BCR: variants seen among roughly 807,000 people sequenced by gnomAD.
BCR encodes the protein BCR activator of RhoGEF and GTPase.
BCR carries 58 observed loss-of-function variants against 138.6 expected under a neutral mutation model. The observed-to-expected ratio is 0.42, with a 90% CI of 0.34 to 0.52. The LOEUF (loss-of-function observed/expected upper bound fraction) is 0.52, where lower values mean the gene tolerates loss of function less well. BCR is among the 20% of genes least tolerant of loss of function. The pLI, the probability that BCR is intolerant of heterozygous loss-of-function variation, is 0.06. For missense variants in BCR, 1,599 were observed against 1,727.2 expected (o/e 0.93, Z 1.32); for synonymous variants, 786 against 730.1 (o/e 1.08, Z -1.23).
At chr22:23,308,119 A>G (rs2073968933) in intron 16 of BCR, among the ~76,000 whole-genome samples, 1 of 149,560 alleles carries the variant, frequency 6.7e-6, no homozygotes, top group South Asian at 2.1e-4. Flanking sequence ...GCTGAAGTGA[A>G]CCATCACCTG....
At chr22:23,206,463 G>A (rs1232282126) in intron 1 of BCR, among the ~76,000 whole-genome samples, 1 of 151,928 alleles carries the variant, frequency 6.6e-6, no homozygotes, top group Non-Finnish European at 1.5e-5. Flanking sequence ...TGTAATCCCA[G>A]CTACTCGGGA....
intron 8 of BCR, among the ~76,000 whole-genome samples, chr22:23,274,814 A>G (rs758731767): frequency 1.3e-4 from 20 of 148,730 alleles, no homozygotes; most frequent in Non-Finnish European, 2.2e-4. Context: ...AGGCTGAGGC[A>G]GGTGAATCGC....
chr22:23,263,601 T>C (rs182160833), intron 4 of BCR: 2 of 1,531,838 alleles, frequency 1.3e-6, no homozygotes, highest in Admixed American at 1.7e-5. Context: ...CTGCTGGGCA[T>C]GATGAGGACG....
chr22:23,182,162 A>T lies in BCR; in HGVS notation c.1202A>T (p.Glu401Val), dbSNP rs769276337. 10 of 1,607,482 alleles carry T rather than the reference A, an allele frequency of 6.2e-6. No individual in the cohort carries two copies. The highest frequency in any genetic ancestry group is 1.7e-5 in the Admixed American group (1 of 59,918). Residue 401 changes from glutamate (E) to valine (V), a missense_variant, in exon 1 of 23, where the codon GAG becomes GTG. Physicochemically the swap from Glu to Val is moderately radical, Grantham distance 121 (BLOSUM62 -2). Transcript: ENST00000305877. ...RHRHCPVVVS[E>V]ATIVGVRKTG... Reference sequence around the variant, plus strand: ...CGGCACTGCCCGGTTGTCGTGTCCGAGGCCACCATCGTGGGCGTCCGCAAG... The same window carrying T: ...CGGCACTGCCCGGTTGTCGTGTCCGTGGCCACCATCGTGGGCGTCCGCAAG...
intron 1 of BCR, among the ~76,000 whole-genome samples, chr22:23,184,561 A>C (rs2072315387): frequency 1.3e-5 from 2 of 152,004 alleles, no homozygotes; most frequent in Admixed American, 6.6e-5. Flanking sequence ...CTACACCCCC[A>C]CAGCCTCCCC....
chr22:23,282,720 C>T (rs2073662562), intron 8 of BCR, among the ~76,000 whole-genome samples: 2 of 152,202 alleles, frequency 1.3e-5, no homozygotes, highest in Admixed American at 1.3e-4. Flanking sequence ...GACAGGTGCA[C>T]CGCCTGCGGG....
intron 8 of BCR, among the ~76,000 whole-genome samples, chr22:23,275,312 C>T (rs1279766554): frequency 1.3e-5 from 2 of 152,250 alleles, no homozygotes; most frequent in Non-Finnish European, 2.9e-5. Flanking sequence ...TGAGGACCGA[C>T]CCACTGGGTG....
intron 1 of BCR, among the ~76,000 whole-genome samples, chr22:23,224,011 G>C (rs1019430712): frequency 1.3e-5 from 2 of 152,106 alleles, no homozygotes; most frequent in Non-Finnish European, 2.9e-5. Context: ...TATCTCACCC[G>C]CTGGTTTGGA....
intron 1 of BCR, among the ~76,000 whole-genome samples, chr22:23,185,727 TTTG>T (rs553788294): frequency 2.7e-5 from 4 of 149,642 alleles, no homozygotes; most frequent in African/African-American, 7.4e-5. Flanking sequence ...CTCTGTTTTT[TTTG>T]TTGTTGTTGT....
At chr22:23,254,159 T>C (rs934802691) in intron 2 of BCR, among the ~76,000 whole-genome samples, 179 bp downstream of exon 2, 1 of 152,118 alleles carries the variant, frequency 6.6e-6, no homozygotes, top group Non-Finnish European at 1.5e-5. Context: ...CTGCCAGATG[T>C]GTTGATCAGG....
chr22:23,194,497 G>A lies in BCR; in HGVS notation c.1279+12258G>A, dbSNP rs181909646. Among the ~76,000 whole-genome samples, 653 of 150,664 alleles carry A rather than the reference G, an allele frequency of 4.3e-3. 6 individuals are homozygous for A. The highest frequency in any genetic ancestry group is 0.021 in the Middle Eastern group (6 of 286). ...GCAATCTCGGCTCACTGCAAACTCCGCCTCCCAGGTTCACGCCATTCTCCT... is the reference window on the plus strand; with the variant it reads ...GCAATCTCGGCTCACTGCAAACTCCACCTCCCAGGTTCACGCCATTCTCCT... On this transcript the variant is annotated intron_variant, in intron 1 of 22. Transcript: ENST00000305877.
At chr22:23,182,456 G>T (rs2072282511) in intron 1 of BCR, among the ~76,000 whole-genome samples, 1 of 152,226 alleles carries the variant, frequency 6.6e-6, no homozygotes, top group African/African-American at 2.4e-5. Flanking sequence ...ATTGGGTTGA[G>T]GATGGTCTTG....
intron 1 of BCR, among the ~76,000 whole-genome samples, chr22:23,224,523 C>T (rs1024827744): frequency 2.0e-5 from 3 of 152,212 alleles, no homozygotes. Flanking sequence ...TACCCACTCT[C>T]GTTTTAATAC....
intron 8 of BCR, among the ~76,000 whole-genome samples, chr22:23,277,320 T>C (rs1602095214): frequency 6.6e-6 from 1 of 152,288 alleles, no homozygotes; most frequent in African/African-American, 2.4e-5. Flanking sequence ...AGCCACTAAG[T>C]AGCTAAGCCA....
chr22:23,252,052 C>G (rs1376953873), intron 1 of BCR, among the ~76,000 whole-genome samples: 2 of 152,214 alleles, frequency 1.3e-5, no homozygotes, highest in Non-Finnish European at 2.9e-5. Context: ...ATGAATTACT[C>G]TGTATAACCA....
At chr22:23,261,763 T>C in intron 4 of BCR, 1 of 319,208 alleles carries the variant, frequency 3.1e-6, no homozygotes, top group Non-Finnish European at 5.7e-6. Flanking sequence ...TATATTTATT[T>C]AGATAGTTAT....
At chr22:23,307,281 T>C (rs2073961259) in intron 16 of BCR, among the ~76,000 whole-genome samples, 1 of 151,984 alleles carries the variant, frequency 6.6e-6, no homozygotes, top group Admixed American at 6.6e-5. Context: ...AAAATTTTTT[T>C]TTTATAGAGA....
At position 23,304,097 on chromosome 22, in the gene BCR, CTATT is replaced by C. The variant is rs768311435; in HGVS notation, c.3013-5325_3013-5322del. On this transcript the variant is annotated intron_variant, in intron 16 of 22. Coordinates refer to ENST00000305877, the MANE Select transcript of BCR (RefSeq NM_004327.4). Reference sequence around the variant, plus strand: ...CACAGGCATGCGCCACCATGCCAGGCTATTTTTTTTTTTTTTTTTTTTTTTTGAG... The same window carrying C: ...CACAGGCATGCGCCACCATGCCAGGCTTTTTTTTTTTTTTTTTTTTTTGAG... Among the ~76,000 whole-genome samples, 464 of 96,208 alleles carry C rather than the reference CTATT, an allele frequency of 4.8e-3. 4 individuals are homozygous for C. Among genetic ancestry groups the C allele is most frequent in the African/African-American group, 0.018 (374 of 21,002 alleles). 63.1% of individuals were successfully genotyped at this position (96,208 alleles called of 152,430 possible). A position where few individuals can be genotyped will look rare whatever the true frequency, so the allele number is the denominator to read the frequency against.
At chr22:23,300,928 G>A (rs2073896092) in intron 16 of BCR, among the ~76,000 whole-genome samples, 1 of 152,244 alleles carries the variant, frequency 6.6e-6, no homozygotes, top group African/African-American at 2.4e-5. Context: ...AATAGAGCAG[G>A]AGAAATGGGA....
Sources: allele counts gnomAD v4.1 joint callset (sites outside exome capture counted in the v4.1 genomes callset), GRCh38; gene constraint gnomAD v4.1.1; transcripts MANE v1.5; gene names NCBI Gene and HGNC (gene_info 2026-07-23, HGNC 2026-07-21).